The following RICTOR variants were observed in gnomAD, a reference collection of about 807,000 sequenced individuals.
The protein encoded by RICTOR is RPTOR independent companion of MTOR complex 2.
A neutral mutation model predicts 214.9 loss-of-function variants in RICTOR; 49 were observed. The ratio of observed to expected loss-of-function variants is 0.23; its 90% CI spans 0.18 to 0.29. The LOEUF is 0.29. Ranked by LOEUF, RICTOR falls within the 10% of genes least tolerant of loss-of-function variation. RICTOR has a pLI of 1.00. For missense variants in RICTOR, 1,625 were observed against 2,047.0 expected (o/e 0.79, Z 3.98); for synonymous variants, 717 against 711.3 (o/e 1.01, Z -0.13).
chr5:39,017,100 T>A (rs796879933), intron 3 of RICTOR, among the ~76,000 whole-genome samples: 4 of 152,252 alleles, frequency 2.6e-5, no homozygotes, highest in African/African-American at 9.6e-5. Context: ...GTAAGACCCA[T>A]GCTAGTAACA....
At chr5:38,951,681 T>G (rs1000256342) in intron 30 of RICTOR, among the ~76,000 whole-genome samples, 3 of 151,954 alleles carry the variant, frequency 2.0e-5, no homozygotes, top group Non-Finnish European at 4.4e-5. Flanking sequence ...TTTGTACACC[T>G]AACACCACTT....
chr5:39,057,043 G>A (rs566086076), intron 2 of RICTOR, among the ~76,000 whole-genome samples: 3 of 152,258 alleles, frequency 2.0e-5, no homozygotes, highest in East Asian at 1.9e-4. Flanking sequence ...GCTGAGAAAA[G>A]AGCAGGTGCT....
rs1561425826 is a variant in RICTOR at position 38,940,074 on chromosome 5, G to A, written c.*2230C>T. The A allele has an allele frequency of 5.0e-6, 1 of 200,480 alleles. No homozygotes were observed. Among genetic ancestry groups the A allele is most frequent in the East Asian group, 7.2e-5 (1 of 13,964 alleles). 12.4% of individuals were successfully genotyped at this position (200,480 alleles called of 1,614,324 possible). A position where few individuals can be genotyped will look rare whatever the true frequency, so the allele number is the denominator to read the frequency against. On this transcript the variant is annotated 3_prime_UTR_variant, in exon 38 of 38. Coordinates refer to ENST00000357387, the MANE Select transcript of RICTOR (RefSeq NM_152756.5). ...ACAAAGCTCTGAGTATCTCCCCAAA[G>A]TAAGTGATATAGGCAGATATGATAA...
At chr5:38,967,011 G>T in intron 14 of RICTOR, 150 bp downstream of exon 14, 1 of 698,802 alleles carries the variant, frequency 1.4e-6, no homozygotes. Flanking sequence ...ATGTTGGTCA[G>T]GCTGGTCTCG....
At chr5:39,008,602 C>G (rs1754251021) in intron 3 of RICTOR, among the ~76,000 whole-genome samples, 1 of 152,008 alleles carries the variant, frequency 6.6e-6, no homozygotes, top group East Asian at 1.9e-4. Context: ...TTTCATTTCT[C>G]CAGCCTCAAA....
intron 12 of RICTOR, 107 bp downstream of exon 12, chr5:38,967,836 G>A (rs1388851521): frequency 1.7e-6 from 1 of 586,102 alleles, no homozygotes; most frequent in Admixed American, 3.0e-5. Context: ...TATGCAGCAA[G>A]AAAAGAAAAT....
rs1186372602 is a variant in RICTOR at position 38,941,290 on chromosome 5, C to G, written c.*1014G>C. On this transcript the variant is annotated 3_prime_UTR_variant, in exon 38 of 38. Transcript: ENST00000357387. ...TTAAAATTTGGTACTTAAGGCTTTT[C>G]ACTACAATTTTTCTCAATAACAAGC... 4.3e-6 allele frequency: 1 copy of G among 231,802 alleles called. No individual in the cohort carries two copies. Among genetic ancestry groups the G allele is most frequent in the East Asian group, 6.1e-5 (1 of 16,286 alleles). The allele number at this position is 231,802 out of a possible 1,614,324, so 14.4% of individuals were successfully genotyped here.
In RICTOR at chr5:39,074,315, TGCAG is replaced by T; in HGVS notation, c.49+10_49+13del. 6.5e-7 allele frequency: 1 copy of T among 1,549,370 alleles called. No individual in the cohort carries two copies. On this transcript the variant is annotated intron_variant, in intron 1 of 37. Coordinates refer to ENST00000357387, the MANE Select transcript of RICTOR (RefSeq NM_152756.5). ...GCGCCGGGCGGTGGGGAGTGAGGGTTGCAGCGGGCTTACCTCGTACTCGGAGGTT... is the reference window on the plus strand; with the variant it reads ...GCGCCGGGCGGTGGGGAGTGAGGGTTCGGGCTTACCTCGTACTCGGAGGTT...
At chr5:39,022,076 A>G (rs1755465280) in intron 2 of RICTOR, among the ~76,000 whole-genome samples, 2 of 152,252 alleles carry the variant, frequency 1.3e-5, no homozygotes, top group South Asian at 4.1e-4. Context: ...ATTACATGAA[A>G]TATAATACAT....
chr5:38,938,542 A>T lies in RICTOR; in HGVS notation c.*3762T>A, dbSNP rs1353045625. ...GAAAGTAAAACAAAATGTGCAATTT[A>T]TGCATGCTGTGGTGCAGCTATCCGA... On this transcript the variant is annotated 3_prime_UTR_variant, in exon 38 of 38. Transcript: ENST00000357387. 4.3e-6 allele frequency: 1 copy of T among 232,836 alleles called. No homozygotes were observed. The highest frequency in any genetic ancestry group is 8.5e-6 in the Non-Finnish European group (1 of 117,648). 14.4% of individuals were successfully genotyped at this position (232,836 alleles called of 1,614,324 possible).
chr5:38,975,494 G>T, intron 10 of RICTOR, 43 bp downstream of exon 10: 1 of 1,370,240 alleles, frequency 7.3e-7, no homozygotes, highest in Non-Finnish European at 1.0e-6. Context: ...AAGCAGTCTA[G>T]TTTTTCTTCT....
At chr5:38,942,451 A>ATT in intron 37 of RICTOR, 73 bp from the exon 38 acceptor site, 3 of 788,520 alleles carry the variant, frequency 3.8e-6, no homozygotes, top group South Asian at 2.7e-5. Flanking sequence ...ATAAATATCT[A>ATT]ATTTTTTTTT....
chr5:39,050,201 T>TAA (rs1347324971), intron 2 of RICTOR, among the ~76,000 whole-genome samples: 2 of 149,758 alleles, frequency 1.3e-5, no homozygotes, highest in Non-Finnish European at 3.0e-5. Flanking sequence ...AATAAATAAA[T>TAA]ATATATATAT....
intron 27 of RICTOR, 54 bp from the exon 28 acceptor site, chr5:38,953,607 T>C: frequency 3.7e-6 from 2 of 543,826 alleles, no homozygotes; most frequent in South Asian, 4.6e-5. Flanking sequence ...GTATTTAATA[T>C]ATTATTATTG....
chr5:38,945,973 C>T (rs933385376), intron 33 of RICTOR, among the ~76,000 whole-genome samples: 1 of 151,888 alleles, frequency 6.6e-6, no homozygotes, highest in Non-Finnish European at 1.5e-5. Context: ...TTTCAATTAT[C>T]GTCAATATTT....
chr5:38,953,508 C>A lies in RICTOR; in HGVS notation c.2743G>T (p.Asp915Tyr). 1 of 1,502,228 alleles carries A rather than the reference C, an allele frequency of 6.7e-7. No homozygotes were observed. Among genetic ancestry groups the A allele is most frequent in the Non-Finnish European group, 8.9e-7 (1 of 1,121,142 alleles). The allele number at this position is 1,502,228 out of a possible 1,614,324, so 93.1% of individuals were successfully genotyped here. A position where few individuals can be genotyped will look rare whatever the true frequency, so the allele number is the denominator to read the frequency against. Residue 915 changes from aspartate to tyrosine, a missense_variant, in exon 28 of 38, where the codon GAT becomes TAT. This residue lies in a region of RICTOR where 1,214 missense variants were observed against 1,470.5 expected (regional missense o/e 0.83). Transcript: ENST00000357387. ...AGTTTTTTAATTTCTTCCCACTTAT[C>A]CAAATCTGGTGTACGAACATTACGA... is the stretch of plus-strand genomic sequence containing the variant. The part of the protein sequence containing the change: ...LCRNVRTPDL[D>Y]KWEEIKKLKA...
In RICTOR at chr5:38,941,290, C is replaced by T. The variant is rs1186372602; in HGVS notation, c.*1014G>A. On this transcript the variant is annotated 3_prime_UTR_variant, in exon 38 of 38. Transcript: ENST00000357387. ...TTAAAATTTGGTACTTAAGGCTTTT[C>T]ACTACAATTTTTCTCAATAACAAGC... 4.3e-6 allele frequency: 1 copy of T among 231,802 alleles called. No individual in the cohort carries two copies. Among genetic ancestry groups the T allele is most frequent in the Non-Finnish European group, 8.5e-6 (1 of 117,184 alleles). The allele number at this position is 231,802 out of a possible 1,614,324, so 14.4% of individuals were successfully genotyped here.
chr5:38,978,708 A>T, intron 8 of RICTOR, 58 bp from the exon 9 acceptor site: 1 of 808,868 alleles, frequency 1.2e-6, no homozygotes, highest in Non-Finnish European at 2.0e-6. Context: ...TCCTTCCTGC[A>T]TTTTATGGAA....
chr5:39,020,656 C>T (rs1375396052), intron 3 of RICTOR, among the ~76,000 whole-genome samples: 2 of 152,272 alleles, frequency 1.3e-5, no homozygotes, highest in East Asian at 3.9e-4. Context: ...ACAACATTGA[C>T]TTTATTGCGA....
Sources: allele counts gnomAD v4.1 joint callset (sites outside exome capture counted in the v4.1 genomes callset), GRCh38; gene constraint gnomAD v4.1.1; regional missense constraint gnomAD v4.1.1; transcripts MANE v1.5; gene names NCBI Gene and HGNC (gene_info 2026-07-23, HGNC 2026-07-21).